Variants in NUDCD3 observed in about 807,000 individuals in gnomAD.
NUDCD3 encodes the protein NudC domain containing 3, also known as nudC domain-containing protein 3.
A neutral mutation model predicts 39.7 loss-of-function variants in NUDCD3; 13 were observed. The ratio of observed to expected loss-of-function variants is 0.33; its 90% CI spans 0.21 to 0.52. The LOEUF (loss-of-function observed/expected upper bound fraction) is 0.52. Among genes scored for constraint, NUDCD3 ranks in the 20% least tolerant of loss-of-function variants. The probability of loss-of-function intolerance (pLI) is 0.96; values close to 1 mark genes in which losing one functional copy is unlikely to be tolerated. For synonymous variants in NUDCD3, 175 were observed against 172.4 expected, an observed-to-expected ratio of 1.02 and a Z score of -0.12; for missense variants, 453 against 458.1, an observed-to-expected ratio of 0.99 and a Z score of 0.10.
chr7:44,412,926 C>CAAAAAAAAAAAA (rs767754442), intron 3 of NUDCD3, among the ~76,000 whole-genome samples: 16 of 43,692 alleles, frequency 3.7e-4, no homozygotes, highest in African/African-American at 5.6e-4. Context: ...GACGCCGTCT[C>CAAAAAAAAAAAA]AAAAAAAAAA....
intron 1 of NUDCD3, among the ~76,000 whole-genome samples, chr7:44,486,554 A>G (rs1040229713): frequency 6.6e-6 from 1 of 152,192 alleles, no homozygotes; most frequent in African/African-American, 2.4e-5. Context: ...CTAAAAGGTT[A>G]AAAACTGGAA....
rs1554489215 is a variant in NUDCD3, at chr7:44,412,951, A to AAAAAG, written c.643-8369_643-8368insCTTTT. On this transcript the variant is annotated intron_variant, in intron 3 of 5. Coordinates refer to ENST00000355451, the MANE Select transcript of NUDCD3 (RefSeq NM_015332.4). Reference sequence around the variant, plus strand: ...CAAAAAAAAAAAAAAAAGAAAAAAAAAAAGAAAGAAACCATTGACCATTGG... The same window carrying AAAAAG: ...CAAAAAAAAAAAAAAAAGAAAAAAAAAAAAGAAAGAAAGAAACCATTGACCATTGG... 4.0e-4 allele frequency among the ~76,000 whole-genome samples: 58 copies of AAAAAG among 144,482 alleles called. 2 individuals are homozygous for AAAAAG. Among genetic ancestry groups the AAAAAG allele is most frequent in the South Asian group, 6.5e-4 (3 of 4,610 alleles). 94.8% of individuals were successfully genotyped at this position (144,482 alleles called of 152,430 possible).
Position 44,484,897 on chromosome 7 carries a change from T to C in NUDCD3, c.509+71A>G, listed in dbSNP as rs1042689915. The C allele has an allele frequency of 1.3e-5, 15 of 1,166,984 alleles. No individual in the cohort carries two copies. In the Admixed American group the frequency reaches 3.5e-4, roughly 27 times the overall value. 72.3% of individuals were successfully genotyped at this position (1,166,984 alleles called of 1,614,324 possible). On this transcript the variant is annotated intron_variant, in intron 2 of 5. Coordinates refer to ENST00000355451, the MANE Select transcript of NUDCD3 (RefSeq NM_015332.4). ...GAATTAATGTGTTACAAAGTAAGAA[T>C]AAATTATGGAGAAACCCAAACACCA...
At chr7:44,455,535 G>A (rs545315090) in intron 2 of NUDCD3, among the ~76,000 whole-genome samples, 4 of 152,118 alleles carry the variant, frequency 2.6e-5, no homozygotes, top group African/African-American at 9.6e-5. Context: ...AATCCTTCAG[G>A]CATGTGTGTG....
In NUDCD3 at chr7:44,468,425, C is replaced by T. The variant is rs918378102; in HGVS notation, c.509+16543G>A. 29 of 741,432 alleles carry T rather than the reference C, an allele frequency of 3.9e-5. No individual in the cohort carries two copies. In the South Asian group the frequency reaches 5.1e-4, roughly 13 times the overall value. 45.9% of individuals were successfully genotyped at this position (741,432 alleles called of 1,614,324 possible). Reference sequence around the variant, plus strand: ...AAGAATTTGTTTGTTCAATGCCAGACAGCTTATCAGTGTCAGAGCTAGCAA... The same window carrying T: ...AAGAATTTGTTTGTTCAATGCCAGATAGCTTATCAGTGTCAGAGCTAGCAA... On this transcript the variant is annotated intron_variant, in intron 2 of 5. Transcript: ENST00000355451.
At chr7:44,460,256 TAAC>T (rs2116947976) in intron 2 of NUDCD3, among the ~76,000 whole-genome samples, 1 of 152,358 alleles carries the variant, frequency 6.6e-6, no homozygotes, top group South Asian at 2.1e-4. Context: ...GTTAATGAGT[TAAC>T]AAAGTAGGAA....
In NUDCD3 at chr7:44,427,673, G is replaced by A. The variant is rs1799264191; in HGVS notation, c.540C>T (p.Asp180=). 2 of 1,613,396 alleles carry A rather than the reference G, an allele frequency of 1.2e-6. No homozygotes were observed. Among genetic ancestry groups the A allele is most frequent in the Non-Finnish European group, 1.7e-6 (2 of 1,179,776 alleles). ...RIQEQFQKNP[D]SYNGAVRENY... is the part of the protein sequence containing the mutation. Reference sequence around the variant, plus strand: ...TCTCTCGGACAGCACCATTGTAACTGTCGGGATTTTTCTGGAACTGCTCCT... The same window carrying A: ...TCTCTCGGACAGCACCATTGTAACTATCGGGATTTTTCTGGAACTGCTCCT... Residue 180 remains aspartate (D), a synonymous_variant, in exon 3 of 6, where the codon GAC becomes GAT. Coordinates refer to ENST00000355451, the MANE Select transcript of NUDCD3 (RefSeq NM_015332.4).
At chr7:44,429,792 G>C (rs1263876932) in intron 2 of NUDCD3, among the ~76,000 whole-genome samples, 1 of 152,138 alleles carries the variant, frequency 6.6e-6, no homozygotes, top group East Asian at 1.9e-4. Context: ...TAGGATTCCT[G>C]ACTGAATGAC....
chr7:44,487,561 C>T (rs1800638810), intron 1 of NUDCD3, among the ~76,000 whole-genome samples: 1 of 152,046 alleles, frequency 6.6e-6, no homozygotes, highest in Non-Finnish European at 1.5e-5. Context: ...CCAAGTCACT[C>T]AGTCTCATTC....
Position 44,490,447 on chromosome 7 carries a change from C to A in NUDCD3, c.154G>T (p.Gly52Cys). ...GCCTGCGCGGCCCCGGGCGGGAAGCCCATGCGGTCCGATGGGTGGCGCAGC... is the reference window on the plus strand; with the variant it reads ...GCCTGCGCGGCCCCGGGCGGGAAGCACATGCGGTCCGATGGGTGGCGCAGC... ...RLLRHPSDRM[G>C]FPPGAAQALV... The change falls in exon 1 of 6, where the codon GGC (glycine) becomes TGC (cysteine). Residue 52 changes from glycine (G) to cysteine (C), a missense_variant. Physicochemically the swap from Gly to Cys is radical, Grantham distance 159. Coordinates refer to ENST00000355451, the MANE Select transcript of NUDCD3 (RefSeq NM_015332.4). 6.3e-7 allele frequency: 1 copy of A among 1,596,612 alleles called. No homozygotes were observed. The highest frequency in any genetic ancestry group is 8.5e-7 in the Non-Finnish European group (1 of 1,172,198).
intron 2 of NUDCD3, among the ~76,000 whole-genome samples, chr7:44,449,672 C>A (rs1799755553): frequency 6.6e-6 from 1 of 151,724 alleles, no homozygotes; most frequent in Non-Finnish European, 1.5e-5. Context: ...TCCATACACA[C>A]ACAAAAAAGG....
At chr7:44,446,720 C>T (rs1799696044) in intron 2 of NUDCD3, among the ~76,000 whole-genome samples, 1 of 152,192 alleles carries the variant, frequency 6.6e-6, no homozygotes, top group Admixed American at 6.5e-5. Flanking sequence ...ATAATAGTCA[C>T]TTCTTATTGC....
chr7:44,380,760 C>T lies in NUDCD3; in HGVS notation c.*5251G>A, dbSNP rs948639131. 1 of 152,292 alleles carries T rather than the reference C, an allele frequency of 6.6e-6. No individual in the cohort carries two copies. Among genetic ancestry groups the T allele is most frequent in the Non-Finnish European group, 1.5e-5 (1 of 68,080 alleles). The allele number at this position is 152,292 out of a possible 1,614,324, so 9.4% of individuals were successfully genotyped here. On this transcript the variant is annotated 3_prime_UTR_variant, in exon 6 of 6. Coordinates refer to ENST00000355451, the MANE Select transcript of NUDCD3 (RefSeq NM_015332.4). ...CCCAGTTATCTGGATCCCCAGTTCCCTGAACCAGAGCAGCTTCCTAAACTC... is the reference window on the plus strand; with the variant it reads ...CCCAGTTATCTGGATCCCCAGTTCCTTGAACCAGAGCAGCTTCCTAAACTC...
At chr7:44,388,136 C>A (rs1378884129) in intron 5 of NUDCD3, among the ~76,000 whole-genome samples, 1 of 152,244 alleles carries the variant, frequency 6.6e-6, no homozygotes, top group Admixed American at 6.5e-5. Flanking sequence ...TCAAAATACA[C>A]AGCATCTGTG....
intron 2 of NUDCD3, among the ~76,000 whole-genome samples, chr7:44,456,284 T>C (rs1585091346): frequency 6.6e-6 from 1 of 151,568 alleles, no homozygotes; most frequent in African/African-American, 2.4e-5. Context: ...ACTGAAGAAC[T>C]AGAGAACAAA....
At chr7:44,470,466 G>A (rs909272574) in intron 2 of NUDCD3, among the ~76,000 whole-genome samples, 1 of 152,188 alleles carries the variant, frequency 6.6e-6, no homozygotes, top group African/African-American at 2.4e-5. Context: ...CTCGGTTTAA[G>A]GTCCCCCCAA....
chr7:44,446,341 T>C (rs1191644710), intron 2 of NUDCD3, among the ~76,000 whole-genome samples: 1 of 152,068 alleles, frequency 6.6e-6, no homozygotes, highest in African/African-American at 2.4e-5. Context: ...CAACAATCAG[T>C]GACAAAGCAT....
intron 2 of NUDCD3, chr7:44,468,342 AAAACTGC>A: frequency 8.1e-7 from 1 of 1,237,054 alleles, no homozygotes; most frequent in Non-Finnish European, 1.1e-6. Flanking sequence ...AATAAATGTA[AAAACTGC>A]AAAAAAAAAA....
chr7:44,484,360 A>T (rs1416609705), intron 2 of NUDCD3: 1 of 152,344 alleles, frequency 6.6e-6, no homozygotes, highest in Admixed American at 6.5e-5. Context: ...GGGAAACCTC[A>T]TGTCATATTC....
Sources: gnomAD v4.1 joint callset for allele counts (sites outside exome capture counted in the v4.1 genomes callset) on GRCh38, gnomAD v4.1.1 for gene constraint, MANE v1.5 for transcripts, NCBI Gene and HGNC (gene_info 2026-07-23, HGNC 2026-07-21) for gene names.